The following MGLL variants were observed in gnomAD, a reference collection of about 807,000 sequenced individuals.
The protein encoded by MGLL is lysophospholipase homolog.
In MGLL, 7 loss-of-function variants were observed where a neutral mutation model predicts 29.1. The ratio of observed to expected loss-of-function variants is 0.24; its 90% CI spans 0.14 to 0.45. The LOEUF (loss-of-function observed/expected upper bound fraction) is 0.45, where lower values mean the gene tolerates loss of function less well. Among genes scored for constraint, MGLL ranks in the 20% least tolerant of loss-of-function variants. The pLI is 0.99. For missense variants in MGLL, 356 were observed against 413.6 expected, an observed-to-expected ratio of 0.86 and a Z score of 1.21; for synonymous variants, 148 against 168.3, an observed-to-expected ratio of 0.88 and a Z score of 0.93.
At chr3:127,694,640 G>T (rs564709491) in intron 7 of MGLL, among the ~76,000 whole-genome samples, 3 of 152,096 alleles carry the variant, frequency 2.0e-5, no homozygotes, top group Non-Finnish European at 4.4e-5. Flanking sequence ...GGCATCACAC[G>T]TGTCCTTGGA....
At chr3:127,696,024 T>C (rs72971395) in intron 6 of MGLL, among the ~76,000 whole-genome samples, 131 of 152,200 alleles carry the variant, frequency 8.6e-4, no homozygotes, top group African/African-American at 3.0e-3. Context: ...GCACTGACAA[T>C]GGGCTTTGGG....
At chr3:127,746,018 G>T (rs1268823006) in intron 3 of MGLL, among the ~76,000 whole-genome samples, 4 of 152,220 alleles carry the variant, frequency 2.6e-5, no homozygotes, top group Non-Finnish European at 5.9e-5. Context: ...AGTTTGAATA[G>T]AATGAGTGAC....
At chr3:127,779,680 A>G (rs2107706631) in intron 3 of MGLL, among the ~76,000 whole-genome samples, 1 of 152,290 alleles carries the variant, frequency 6.6e-6, no homozygotes, top group East Asian at 1.9e-4. Flanking sequence ...AACGAGATCC[A>G]AGCTAGTAAA....
At chr3:127,701,215 C>CAAAAAAAAAAAAAAAAAAAAAAAAAAAA (rs60128956) in intron 6 of MGLL, among the ~76,000 whole-genome samples, 1 of 56,442 alleles carries the variant, frequency 1.8e-5, no homozygotes. Context: ...ACCCTGCCTC[C>CAAAAAAAAAAAAAAAAAAAAAAAAAAAA]AAAAAAAAAA....
At chr3:127,722,346 G>T (rs1169336209) in intron 4 of MGLL, 84 bp downstream of exon 4, 3 of 1,569,746 alleles carry the variant, frequency 1.9e-6, no homozygotes, top group Admixed American at 1.7e-5. Flanking sequence ...AGCAGTGGGG[G>T]GCAGGAAGTC....
chr3:127,786,793 G>C (rs748959394), intron 2 of MGLL, among the ~76,000 whole-genome samples: 1 of 152,230 alleles, frequency 6.6e-6, no homozygotes, highest in Non-Finnish European at 1.5e-5. Context: ...ATAAGGAAAT[G>C]CGGATGGGGC....
At chr3:127,694,413 A>G (rs184683926) in intron 7 of MGLL, among the ~76,000 whole-genome samples, 4 of 148,774 alleles carry the variant, frequency 2.7e-5, no homozygotes, top group Admixed American at 2.7e-4. Flanking sequence ...GTGTATATAT[A>G]TGTGTGTGTG....
intron 3 of MGLL, among the ~76,000 whole-genome samples, chr3:127,768,677 A>G (rs2076897846): frequency 6.6e-6 from 1 of 152,012 alleles, no homozygotes; most frequent in Admixed American, 6.6e-5. Flanking sequence ...CCTCCCCTGG[A>G]TAGAAATATC....
chr3:127,807,808 C>T (rs1241704483), intron 2 of MGLL, among the ~76,000 whole-genome samples: 1 of 115,674 alleles, frequency 8.6e-6, no homozygotes, highest in East Asian at 2.8e-4. Context: ...GTTGCCCAGG[C>T]TGGAGTGCAG....
intron 2 of MGLL, among the ~76,000 whole-genome samples, chr3:127,798,836 T>C (rs78927400): frequency 0.026 from 3,982 of 152,252 alleles, 166 homozygotes; most frequent in African/African-American, 0.091. Context: ...CCACAGCCTT[T>C]CCAGGTACCC....
chr3:127,774,731 AGCACCCCCAGGG>A lies in MGLL; in HGVS notation c.262+7046_262+7057del, dbSNP rs1399155909. 4.5e-3 allele frequency among the ~76,000 whole-genome samples: 683 copies of A among 152,320 alleles called. 2 individuals carry two copies. The highest frequency in any genetic ancestry group is 0.015 in the African/African-American group (640 of 41,576). ...CCTCAGCAGCAGCAGCAGCAGCAGC[AGCACCCCCAGGG>A]GCTGTTAGAAATGCACATTCTTGGG... On this transcript the variant is annotated intron_variant, in intron 3 of 7. Coordinates refer to ENST00000265052, the MANE Select transcript of MGLL (RefSeq NM_007283.7).
At chr3:127,810,136 A>G (rs1244595495) in intron 2 of MGLL, among the ~76,000 whole-genome samples, 3 of 152,204 alleles carry the variant, frequency 2.0e-5, no homozygotes, top group African/African-American at 7.2e-5. Flanking sequence ...GCACAAAGGA[A>G]AGGCCACACG....
At chr3:127,794,271 C>A (rs965046766) in intron 2 of MGLL, among the ~76,000 whole-genome samples, 1 of 152,140 alleles carries the variant, frequency 6.6e-6, no homozygotes, top group Non-Finnish European at 1.5e-5. Flanking sequence ...ATGGTGCAAC[C>A]CTTTCTCTAC....
intron 5 of MGLL, chr3:127,712,934 C>T (rs1168164657): frequency 6.6e-6 from 1 of 152,244 alleles, no homozygotes; most frequent in Non-Finnish European, 1.5e-5. Flanking sequence ...TCTGTGCTTT[C>T]AAAGGTTAAA....
chr3:127,692,022 T>C lies in MGLL; in HGVS notation c.*176A>G. 1.2e-6 allele frequency: 1 copy of C among 821,280 alleles called. No individual in the cohort carries two copies. The highest frequency in any genetic ancestry group is 1.9e-6 in the Non-Finnish European group (1 of 536,732). The allele number at this position is 821,280 out of a possible 1,614,324, so 50.9% of individuals were successfully genotyped here. A position where few individuals can be genotyped will look rare whatever the true frequency, so the allele number is the denominator to read the frequency against. On this transcript the variant is annotated 3_prime_UTR_variant, in exon 8 of 8. Transcript: ENST00000265052. ...TAACCATTAAGGTAGGTCCAGTGTCTGATAGTCTAATGTATAACAAAAATG... is the reference window on the plus strand; with the variant it reads ...TAACCATTAAGGTAGGTCCAGTGTCCGATAGTCTAATGTATAACAAAAATG...
intron 2 of MGLL, among the ~76,000 whole-genome samples, chr3:127,810,162 G>A (rs1268684793): frequency 6.6e-6 from 1 of 152,200 alleles, no homozygotes; most frequent in African/African-American, 2.4e-5. Flanking sequence ...ACAGAAAGAA[G>A]GTTGGTATCT....
intron 3 of MGLL, among the ~76,000 whole-genome samples, chr3:127,755,525 A>G (rs2076647656): frequency 6.6e-6 from 1 of 152,082 alleles, no homozygotes; most frequent in Non-Finnish European, 1.5e-5. Context: ...TGTGGGTGGG[A>G]GGTGCACGGT....
chr3:127,775,842 GTC>G (rs1559962363), intron 3 of MGLL, among the ~76,000 whole-genome samples: 1 of 152,176 alleles, frequency 6.6e-6, no homozygotes, highest in African/African-American at 2.4e-5. Flanking sequence ...GATTCCCACC[GTC>G]TCTCGCAGCA....
intron 2 of MGLL, among the ~76,000 whole-genome samples, chr3:127,814,398 G>A (rs1228732112): frequency 6.6e-6 from 1 of 152,120 alleles, no homozygotes; most frequent in Non-Finnish European, 1.5e-5. Flanking sequence ...CAAGAATCTT[G>A]GATGACCCTG....
Sources: allele counts gnomAD v4.1 joint callset (sites outside exome capture counted in the v4.1 genomes callset), GRCh38; gene constraint gnomAD v4.1.1; transcripts MANE v1.5; gene names NCBI Gene and HGNC (gene_info 2026-07-23, HGNC 2026-07-21).